Variants in RSRC1 observed in about 807,000 individuals in gnomAD.
The protein encoded by RSRC1 is serine/Arginine-related protein 53.
RSRC1 carries 39 observed loss-of-function variants against 49.1 expected under a neutral mutation model. The observed-to-expected ratio is 0.79, with a 90% CI of 0.61 to 1.04. The LOEUF (loss-of-function observed/expected upper bound fraction) is 1.04. RSRC1 is among the 50% of genes least tolerant of loss of function. The pLI is 0.00. For synonymous variants in RSRC1, 143 were observed against 130.8 expected, an observed-to-expected ratio of 1.09 and a Z score of -0.63; for missense variants, 388 against 402.4, an observed-to-expected ratio of 0.96 and a Z score of 0.31.
At chr3:158,199,696 C>G (rs1720914880) in intron 3 of RSRC1, among the ~76,000 whole-genome samples, 1 of 152,132 alleles carries the variant, frequency 6.6e-6, no homozygotes, top group African/African-American at 2.4e-5. Flanking sequence ...CCCACAAATT[C>G]TCATATGTTG....
At chr3:158,248,704 TCTC>T (rs1323014378) in intron 4 of RSRC1, among the ~76,000 whole-genome samples, 2 of 151,870 alleles carry the variant, frequency 1.3e-5, no homozygotes, top group African/African-American at 4.8e-5. Context: ...TTCAAGCAAT[TCTC>T]CTGCCTCAGC....
chr3:158,386,766 G>C (rs1327845827), intron 6 of RSRC1, among the ~76,000 whole-genome samples: 2 of 151,694 alleles, frequency 1.3e-5, no homozygotes, highest in Non-Finnish European at 2.9e-5. Context: ...TCTTAAAATG[G>C]GGAAGAGGTG....
chr3:158,489,042 C>T (rs1738952610), intron 7 of RSRC1, among the ~76,000 whole-genome samples: 1 of 152,144 alleles, frequency 6.6e-6, no homozygotes, highest in Non-Finnish European at 1.5e-5. Flanking sequence ...TCTTTCAATA[C>T]AAGAAACACG....
In RSRC1 at chr3:158,250,153, T is replaced by C. The variant is rs558018619; in HGVS notation, c.494+46908T>C. On this transcript the variant is annotated intron_variant, in intron 4 of 9. Transcript: ENST00000611884. ...ATTGTAAATTACAGGATCTCATTCA[T>C]TTTTATGATTATATAGTACTCTATT... Among the ~76,000 whole-genome samples the C allele has an allele frequency of 2.0e-5, 3 of 152,356 alleles. No individual in the cohort carries two copies. In the South Asian group the frequency reaches 6.2e-4, roughly 32 times the overall value.
intron 4 of RSRC1, among the ~76,000 whole-genome samples, chr3:158,245,140 C>CCTTTTTTTTTTTTGTTTTTTTTTT (rs372285444): frequency 2.7e-5 from 4 of 146,286 alleles, no homozygotes; most frequent in African/African-American, 9.8e-5. Context: ...ATGTTTCTGG[C>CCTTTTTTTTTTTTGTTTTTTTTTT]TTTTTGATGT....
intron 5 of RSRC1, among the ~76,000 whole-genome samples, chr3:158,346,948 T>C (rs910399802): frequency 6.6e-6 from 1 of 152,218 alleles, no homozygotes; most frequent in Non-Finnish European, 1.5e-5. Flanking sequence ...GAATGAATTG[T>C]TGATAGACAT....
chr3:158,149,924 T>G (rs1467771770), intron 3 of RSRC1, among the ~76,000 whole-genome samples: 1 of 152,216 alleles, frequency 6.6e-6, no homozygotes, highest in Non-Finnish European at 1.5e-5. Flanking sequence ...TCAGTAACTT[T>G]TAGGAAATGT....
At chr3:158,195,233 T>C (rs1720514072) in intron 3 of RSRC1, among the ~76,000 whole-genome samples, 1 of 152,216 alleles carries the variant, frequency 6.6e-6, no homozygotes, top group South Asian at 2.1e-4. Context: ...TTGATTTGCA[T>C]TTCTCTGATG....
chr3:158,394,662 C>A (rs890867942), intron 6 of RSRC1, among the ~76,000 whole-genome samples: 1 of 151,840 alleles, frequency 6.6e-6, no homozygotes, highest in East Asian at 1.9e-4. Flanking sequence ...ATGAGAAGTA[C>A]AAAATACAGC....
chr3:158,327,667 T>G (rs1343843976), intron 5 of RSRC1, among the ~76,000 whole-genome samples: 3 of 152,116 alleles, frequency 2.0e-5, no homozygotes, highest in Admixed American at 6.5e-5. Context: ...TGGTCAATTT[T>G]GGAATAGGTG....
intron 4 of RSRC1, among the ~76,000 whole-genome samples, chr3:158,297,316 A>G (rs1286200707): frequency 6.6e-6 from 1 of 152,090 alleles, no homozygotes; most frequent in Non-Finnish European, 1.5e-5. Context: ...TATGTTTGCT[A>G]GATGTACAGA....
intron 3 of RSRC1, among the ~76,000 whole-genome samples, chr3:158,147,970 A>C (rs1056300278): frequency 2.0e-5 from 3 of 152,210 alleles, no homozygotes; most frequent in Admixed American, 2.0e-4. Context: ...AATAACTATA[A>C]AATTTTCTAA....
At chr3:158,209,868 A>G (rs531291187) in intron 4 of RSRC1, among the ~76,000 whole-genome samples, 2 of 152,184 alleles carry the variant, frequency 1.3e-5, no homozygotes, top group Non-Finnish European at 2.9e-5. Context: ...TAAGAAAACT[A>G]GTACCATGTA....
chr3:158,335,003 A>G (rs146799958), intron 5 of RSRC1, among the ~76,000 whole-genome samples: 68 of 152,094 alleles, frequency 4.5e-4, no homozygotes, highest in African/African-American at 1.4e-3. Flanking sequence ...AGAATTTTCT[A>G]TTTCATCTAC....
intron 6 of RSRC1, among the ~76,000 whole-genome samples, chr3:158,410,124 C>G (rs565131233): frequency 6.6e-6 from 1 of 152,088 alleles, no homozygotes; most frequent in South Asian, 2.1e-4. Context: ...TTAAAAAAAG[C>G]GGGCAATTTT....
At chr3:158,491,752 T>C (rs1252941100) in intron 7 of RSRC1, among the ~76,000 whole-genome samples, 9 of 152,190 alleles carry the variant, frequency 5.9e-5, no homozygotes, top group Admixed American at 2.6e-4. Context: ...TCATGTATGA[T>C]TATAGAACAT....
rs146539965 is a variant in RSRC1 at position 158,384,999 on chromosome 3, A to G, written c.583+30091A>G. ...CAATGAGTCCCCCAAAGTGCCATTT[A>G]GTGATTGTGGAAGAAGGAAGGAGAA... On this transcript the variant is annotated intron_variant, in intron 6 of 9. Coordinates refer to ENST00000611884, the MANE Select transcript of RSRC1 (RefSeq NM_001271838.2). Among the ~76,000 whole-genome samples, 49 of 152,304 alleles carry G rather than the reference A, an allele frequency of 3.2e-4. No homozygotes were observed. The East Asian group carries it at 7.1e-3, about 22-fold the overall frequency.
At chr3:158,338,678 T>C (rs1409073695) in intron 5 of RSRC1, among the ~76,000 whole-genome samples, 1 of 152,248 alleles carries the variant, frequency 6.6e-6, no homozygotes, top group Non-Finnish European at 1.5e-5. Context: ...GTTTTAACTC[T>C]GCATAGTCTT....
At chr3:158,419,367 C>G (rs943179376) in intron 6 of RSRC1, among the ~76,000 whole-genome samples, 1 of 151,858 alleles carries the variant, frequency 6.6e-6, no homozygotes, top group Non-Finnish European at 1.5e-5. Context: ...ATAGCATCCA[C>G]AAATAGAGAG....
Sources: gnomAD v4.1 joint callset for allele counts (sites outside exome capture counted in the v4.1 genomes callset) on GRCh38, gnomAD v4.1.1 for gene constraint, MANE v1.5 for transcripts, NCBI Gene and HGNC (gene_info 2026-07-23, HGNC 2026-07-21) for gene names.